TECTA: variants seen among roughly 807,000 people sequenced by gnomAD.
TECTA encodes tectorin alpha, also known as alpha-tectorin.
TECTA carries 128 observed loss-of-function variants against 216.8 expected under a neutral mutation model. The observed-to-expected ratio is 0.59, with a 90% CI of 0.51 to 0.68. The LOEUF is 0.68. Among genes scored for constraint, TECTA ranks in the 30% least tolerant of loss-of-function variants. The probability of loss-of-function intolerance (pLI) is 0.00; values close to 1 mark genes in which losing one functional copy is unlikely to be tolerated. For synonymous variants in TECTA, 1,089 were observed against 1,117.1 expected, an observed-to-expected ratio of 0.97 and a Z score of 0.50; for missense variants, 2,551 against 2,786.2, an observed-to-expected ratio of 0.92 and a Z score of 1.90.
At position 121,118,705 on chromosome 11, in the gene TECTA, A is replaced by G. The variant is rs918069755; in HGVS notation, c.1190A>G (p.Tyr397Cys). ...AAGATTCTCATCCCCAAAGGAAGCT[A>G]TGGAAGAGTCAAGGTGAGCCCCTTT... ...GYKILIPKGS[Y>C]GRVKVNDLVT... Residue 397 changes from tyrosine to cysteine, a missense_variant, in exon 7 of 24, where the codon TAT becomes TGT. Around this residue, in one of 3 missense-constraint regions of TECTA, gnomAD observed 2,375 missense variants for 2,563.9 expected, o/e 0.93. Coordinates refer to ENST00000392793, the MANE Select transcript of TECTA (RefSeq NM_005422.4). 2 of 1,613,794 alleles carry G rather than the reference A, an allele frequency of 1.2e-6. No homozygotes were observed. Among genetic ancestry groups the G allele is most frequent in the Non-Finnish European group, 1.7e-6 (2 of 1,180,036 alleles).
rs772757017 is a variant in TECTA at position 121,188,012 on chromosome 11, A to G, written c.6162+18A>G. The G allele has an allele frequency of 3.0e-5, 49 of 1,613,940 alleles. 1 individual carries two copies. The Middle Eastern group carries it at 9.9e-4, about 32-fold the overall frequency. On this transcript the variant is annotated intron_variant, in intron 21 of 23. Transcript: ENST00000392793. Reference sequence around the variant, plus strand: ...GTAAAATCGTAAGTGAGAGTGTGAAAACAAAGTGCTTAGCCTTATTTCTCA... The same window carrying G: ...GTAAAATCGTAAGTGAGAGTGTGAAGACAAAGTGCTTAGCCTTATTTCTCA...
intron 11 of TECTA, among the ~76,000 whole-genome samples, chr11:121,143,363 G>C (rs1305022094): frequency 6.6e-6 from 1 of 152,180 alleles, no homozygotes; most frequent in Non-Finnish European, 1.5e-5. Flanking sequence ...CTGGGGCTGA[G>C]CCCTTTACTT....
rs1367333830 is a variant in TECTA, at chr11:121,127,669, C to A, written c.1775-83C>A. 12 of 1,499,930 alleles carry A rather than the reference C, an allele frequency of 8.0e-6. No homozygotes were observed. In the Admixed American group the frequency reaches 1.7e-4, roughly 21 times the overall value. The allele number at this position is 1,499,930 out of a possible 1,614,324, so 92.9% of individuals were successfully genotyped here. On this transcript the variant is annotated intron_variant, in intron 8 of 23. Coordinates refer to ENST00000392793, the MANE Select transcript of TECTA (RefSeq NM_005422.4). This position sits in a 1 kb window ranked among gnomAD's most constrained non-coding sequence, Gnocchi z 5.0. ...CCCTCACTCTAGGAACTAAATGATC[C>A]AGGAGGAGCGTTAAGATTCTGGCGG...
chr11:121,131,343 G>A (rs1565524615), intron 10 of TECTA, among the ~76,000 whole-genome samples: 1 of 151,926 alleles, frequency 6.6e-6, no homozygotes, highest in Non-Finnish European at 1.5e-5. Context: ...GAATAAGACA[G>A]TCTACCATTC....
At chr11:121,177,524 G>A (rs933080420) in intron 20 of TECTA, among the ~76,000 whole-genome samples, 5 of 152,158 alleles carry the variant, frequency 3.3e-5, no homozygotes, top group Middle Eastern at 3.2e-3. Flanking sequence ...CTGTCTGATC[G>A]TTCCTCTGGA....
chr11:121,168,341 G>A, intron 19 of TECTA, 124 bp downstream of exon 19: 4 of 1,327,838 alleles, frequency 3.0e-6, no homozygotes, highest in Non-Finnish European at 4.3e-6. Context: ...CGTTTCTTGA[G>A]CCTAAATGCT....
intron 10 of TECTA, among the ~76,000 whole-genome samples, chr11:121,131,856 C>T (rs532825081): frequency 6.6e-6 from 1 of 152,260 alleles, no homozygotes; most frequent in East Asian, 1.9e-4. Flanking sequence ...GGCAGGAATA[C>T]CACAAAAGCA....
chr11:121,168,410 G>A (rs779725231), intron 19 of TECTA, 193 bp downstream of exon 19: 3 of 880,128 alleles, frequency 3.4e-6, no homozygotes, highest in Admixed American at 2.2e-5. Flanking sequence ...CATCTGTACT[G>A]TTTAATGTGG....
chr11:121,156,646 T>TTAG (rs748025890), intron 13 of TECTA, among the ~76,000 whole-genome samples: 14 of 145,744 alleles, frequency 9.6e-5, no homozygotes, highest in Non-Finnish European at 1.5e-5. Context: ...ACCTGGCCTA[T>TTAG]TATTATTATT....
intron 20 of TECTA, 137 bp from the exon 21 acceptor site, chr11:121,187,695 G>A: frequency 2.2e-6 from 2 of 893,768 alleles, no homozygotes; most frequent in South Asian, 3.0e-5. Flanking sequence ...GCAGTCCAGG[G>A]GTCACTTTCA....
intron 16 of TECTA, among the ~76,000 whole-genome samples, chr11:121,164,083 A>G (rs1375732556): frequency 6.6e-6 from 1 of 152,198 alleles, no homozygotes. Context: ...GGGGCGTGGC[A>G]GCTGAGTCAG....
intron 19 of TECTA, 154 bp from the exon 20 acceptor site, chr11:121,168,523 C>CAT (rs1273540439): frequency 1.8e-6 from 2 of 1,087,974 alleles, no homozygotes; most frequent in East Asian, 5.0e-5. Context: ...TAAATTGCCC[C>CAT]ATGTGGCTAG....
chr11:121,130,316 G>A, intron 10 of TECTA, 105 bp downstream of exon 10: 1 of 1,309,564 alleles, frequency 7.6e-7, no homozygotes, highest in Non-Finnish European at 1.0e-6. Flanking sequence ...GCTCAAGGGT[G>A]ATGTTAATTA....
intron 20 of TECTA, among the ~76,000 whole-genome samples, chr11:121,173,706 G>A (rs1462786943): frequency 6.7e-6 from 1 of 149,418 alleles, no homozygotes; most frequent in African/African-American, 2.5e-5. Context: ...CTTTAAAGTA[G>A]TTTTTTCCAA....
At chr11:121,103,875 C>T (rs1049723277) in intron 2 of TECTA, among the ~76,000 whole-genome samples, 3 of 151,908 alleles carry the variant, frequency 2.0e-5, no homozygotes, top group African/African-American at 7.3e-5. Context: ...TTTAACAGTC[C>T]GTTCTTTCCT....
rs1011871640 is a variant in TECTA at position 121,128,240 on chromosome 11, A to C, written c.2263A>C (p.Asn755His). The change falls in exon 9 of 24, where the codon AAC becomes CAC. Residue 755 changes from asparagine to histidine, a missense_variant. Physicochemically the swap from Asn to His is moderately conservative, Grantham distance 68 (BLOSUM62 1). This residue lies in a region of TECTA where 2,375 missense variants were observed against 2,563.9 expected (regional missense o/e 0.93). Transcript: ENST00000392793. ...ERPEYLEIDINKKKPDAGPAW... is the reference protein window; with the variant it reads ...ERPEYLEIDIHKKKPDAGPAW... ...CCCAGAGTACTTGGAAATCGACATC[A>C]ACAAGAAGAAGCCCGATGCAGGACC... is the stretch of plus-strand genomic sequence containing the variant. 2 of 1,600,864 alleles carry C rather than the reference A, an allele frequency of 1.2e-6. No homozygotes were observed. The highest frequency in any genetic ancestry group is 3.3e-5 in the Admixed American group (2 of 60,018).
At chr11:121,182,449 G>T (rs1007646772) in intron 20 of TECTA, among the ~76,000 whole-genome samples, 17 of 152,200 alleles carry the variant, frequency 1.1e-4, no homozygotes, top group African/African-American at 3.9e-4. Context: ...AAAGGCAAAT[G>T]TAGTCGTTGG....
At chr11:121,110,183 A>T (rs752639438) in intron 4 of TECTA, 2 of 153,748 alleles carry the variant, frequency 1.3e-5, no homozygotes, top group Admixed American at 6.4e-5. Flanking sequence ...AACTTTCTAC[A>T]TAAAGGGACA....
chr11:121,110,856 T>G (rs1946435454), intron 4 of TECTA: 2 of 152,218 alleles, frequency 1.3e-5, no homozygotes, highest in Admixed American at 6.5e-5. Flanking sequence ...AGGTGAGAAC[T>G]CTTTCTGTGA....
Sources: gnomAD v4.1 joint callset for allele counts (sites outside exome capture counted in the v4.1 genomes callset) on GRCh38, gnomAD v4.1.1 for gene constraint, gnomAD v4.1.1 regional missense constraint, Gnocchi (gnomAD v3.1) non-coding constraint, MANE v1.5 for transcripts, NCBI Gene and HGNC (gene_info 2026-07-23, HGNC 2026-07-21) for gene names.